The following EPAS1 variants were observed in gnomAD, a reference collection of about 807,000 sequenced individuals.
The protein encoded by EPAS1 is endothelial PAS domain protein 1, also known as endothelial PAS domain-containing protein 1.
Under a neutral mutation model 87.9 loss-of-function variants are expected in EPAS1, and 23 were observed. The observed-to-expected ratio is 0.26, with a 90% CI of 0.19 to 0.37. The LOEUF is 0.37. Among genes scored for constraint, EPAS1 ranks in the 10% least tolerant of loss-of-function variants. EPAS1 has a pLI of 1.00. For missense variants in EPAS1, 1,138 were observed against 1,120.7 expected (o/e 1.02, Z -0.22); for synonymous variants, 508 against 444.3 (o/e 1.14, Z -1.80).
rs1684617462 is a variant in EPAS1, at chr2:46,371,021, G to T, written c.886+1088G>T. ...ACCTCAGTATCTAGCATAGCGTCTG[G>T]TACAGAACAGGCACTAAATGCACTA... On this transcript the variant is annotated intron_variant, in intron 7 of 15. Coordinates refer to ENST00000263734, the MANE Select transcript of EPAS1 (RefSeq NM_001430.5). The surrounding 1 kb of genome is among the most constrained non-coding windows in gnomAD (Gnocchi z 4.3). Among the ~76,000 whole-genome samples the T allele has an allele frequency of 6.6e-6, 1 of 152,136 alleles. No homozygotes were observed. Among genetic ancestry groups the T allele is most frequent in the African/African-American group, 2.4e-5 (1 of 41,416 alleles).
chr2:46,345,718 C>T (rs1041323558), intron 1 of EPAS1, among the ~76,000 whole-genome samples: 1 of 152,090 alleles, frequency 6.6e-6, no homozygotes, highest in Non-Finnish European at 1.5e-5. Context: ...ATGCATCTAG[C>T]CTTTCTCCTA....
At chr2:46,384,480 T>A (rs1684966172) in intron 15 of EPAS1, 29 bp from the exon 16 acceptor site, 1 of 1,614,030 alleles carries the variant, frequency 6.2e-7, no homozygotes, top group Non-Finnish European at 8.5e-7. Flanking sequence ...ATTTAGGCCT[T>A]TAAGTTATGG....
chr2:46,381,101 GC>G, intron 12 of EPAS1: 3 of 355,242 alleles, frequency 8.4e-6, no homozygotes, highest in Admixed American at 4.2e-5. Flanking sequence ...CCTTTTGGCT[GC>G]CCCCGGGTCC....
At chr2:46,356,997 A>T (rs1174631211) in intron 4 of EPAS1, among the ~76,000 whole-genome samples, 189 bp downstream of exon 4, 1 of 152,126 alleles carries the variant, frequency 6.6e-6, no homozygotes, top group South Asian at 2.1e-4. Flanking sequence ...ACTCAGAAAT[A>T]TCTCCTGCTG....
At position 46,360,851 on chromosome 2, in the gene EPAS1, G is replaced by C. The variant is rs764986922; in HGVS notation, c.574-34G>C. The C allele has an allele frequency of 6.2e-7, 1 of 1,613,966 alleles. No individual in the cohort carries two copies. The highest frequency in any genetic ancestry group is 8.5e-7 in the Non-Finnish European group (1 of 1,179,892). On this transcript the variant is annotated intron_variant, in intron 5 of 15. Coordinates refer to ENST00000263734, the MANE Select transcript of EPAS1 (RefSeq NM_001430.5). The surrounding 1 kb of genome is among the most constrained non-coding windows in gnomAD (Gnocchi z 4.5). ...CCCTACCCCCACCCCCAGCACTCTC[G>C]GCTCCATGTCTGACCCTTCCACGCC...
At chr2:46,356,506 C>T (rs915519686) in intron 3 of EPAS1, among the ~76,000 whole-genome samples, 2 of 152,156 alleles carry the variant, frequency 1.3e-5, no homozygotes, top group African/African-American at 4.8e-5. Flanking sequence ...TCCTGGTAGA[C>T]AGCTCTCTAC....
chr2:46,383,423 G>A (rs572646441), intron 15 of EPAS1, among the ~76,000 whole-genome samples: 77 of 152,346 alleles, frequency 5.1e-4, no homozygotes, highest in African/African-American at 1.8e-3. Context: ...TGTTTGGCCT[G>A]AAAATAATTC....
chr2:46,303,441 C>G (rs965886874), intron 1 of EPAS1, among the ~76,000 whole-genome samples: 2 of 152,140 alleles, frequency 1.3e-5, no homozygotes, highest in African/African-American at 4.8e-5. Context: ...CACAGGAAGG[C>G]CCCTGAAATG....
chr2:46,362,992 G>GGTA (rs1375451475), intron 6 of EPAS1, among the ~76,000 whole-genome samples: 3 of 148,348 alleles, frequency 2.0e-5, no homozygotes, highest in East Asian at 2.0e-4. Context: ...TGGTGGTGGT[G>GGTA]GTGGTGGTGG....
intron 11 of EPAS1, 111 bp downstream of exon 11, chr2:46,378,878 C>A: frequency 9.1e-7 from 1 of 1,094,032 alleles, no homozygotes; most frequent in Non-Finnish European, 1.4e-6. Flanking sequence ...GCAGTGGAGA[C>A]GTTTGGCCAA....
In EPAS1 at chr2:46,347,209, T is replaced by A. The variant is rs1456116552; in HGVS notation, c.217+146T>A. ...CAGAAACACCATCATGAGTGATTTATTCCTTCATGTTAAACATCTCTCTTC... is the reference window on the plus strand; with the variant it reads ...CAGAAACACCATCATGAGTGATTTAATCCTTCATGTTAAACATCTCTCTTC... On this transcript the variant is annotated intron_variant, in intron 2 of 15. Transcript: ENST00000263734. The surrounding 1 kb of genome is among the most constrained non-coding windows in gnomAD (Gnocchi z 4.2). 1.4e-5 allele frequency: 12 copies of A among 842,180 alleles called. No homozygotes were observed. The East Asian group carries it at 3.1e-4, about 22-fold the overall frequency. 52.2% of individuals were successfully genotyped at this position (842,180 alleles called of 1,614,324 possible).
intron 1 of EPAS1, among the ~76,000 whole-genome samples, chr2:46,324,752 C>T (rs1300433243): frequency 1.4e-4 from 21 of 152,212 alleles, no homozygotes. Context: ...CTAACTGCAC[C>T]TTATAAAAGG....
intron 2 of EPAS1, among the ~76,000 whole-genome samples, chr2:46,351,697 C>G (rs200998890): frequency 1.3e-5 from 2 of 152,134 alleles, no homozygotes; most frequent in Non-Finnish European, 2.9e-5. Context: ...AGGAAGACCC[C>G]ATCAGAATGG....
intron 7 of EPAS1, 108 bp downstream of exon 7, chr2:46,370,041 G>C (rs1684595374): frequency 1.2e-6 from 1 of 856,064 alleles, no homozygotes; most frequent in Non-Finnish European, 1.9e-6. Context: ...CCACAGAGCT[G>C]CTGTCTTGTG....
chr2:46,352,021 A>AC (rs1455653046), intron 2 of EPAS1, among the ~76,000 whole-genome samples: 1 of 152,214 alleles, frequency 6.6e-6, no homozygotes, highest in Non-Finnish European at 1.5e-5. Context: ...AAGCCTGTTT[A>AC]CCGGGGCTAT....
At chr2:46,384,291 C>G (rs979472314) in intron 15 of EPAS1, among the ~76,000 whole-genome samples, 2 of 152,168 alleles carry the variant, frequency 1.3e-5, no homozygotes, top group African/African-American at 4.8e-5. Flanking sequence ...CCGCACCTCA[C>G]GCTTTCCTCT....
intron 1 of EPAS1, among the ~76,000 whole-genome samples, chr2:46,326,057 T>C (rs1159117657): frequency 6.6e-6 from 1 of 152,196 alleles, no homozygotes; most frequent in Non-Finnish European, 1.5e-5. Flanking sequence ...TGACATTCAA[T>C]ATGAAATGGA....
chr2:46,370,480 T>C (rs1395945605), intron 7 of EPAS1, among the ~76,000 whole-genome samples: 1 of 152,152 alleles, frequency 6.6e-6, no homozygotes, highest in Non-Finnish European at 1.5e-5. Context: ...TAGGCCACAG[T>C]TCTCAGAGAG....
intron 7 of EPAS1, among the ~76,000 whole-genome samples, chr2:46,372,326 T>G (rs1472235387): frequency 6.6e-6 from 1 of 152,190 alleles, no homozygotes; most frequent in Non-Finnish European, 1.5e-5. Context: ...CATTCGTCCT[T>G]GAGGTTTTGC....
Sources: allele counts gnomAD v4.1 joint callset (sites outside exome capture counted in the v4.1 genomes callset), GRCh38; gene constraint gnomAD v4.1.1; non-coding constraint Gnocchi (gnomAD v3.1); transcripts MANE v1.5; gene names NCBI Gene and HGNC (gene_info 2026-07-23, HGNC 2026-07-21).